Variants in FRMD4A observed in about 807,000 individuals in gnomAD.
The protein encoded by FRMD4A is FERM domain containing 4A.
In FRMD4A, 29 loss-of-function variants were observed where a neutral mutation model predicts 129.1. The observed-to-expected ratio is 0.22, with a 90% CI of 0.17 to 0.31. The LOEUF (loss-of-function observed/expected upper bound fraction) is 0.31. FRMD4A is among the 10% of genes least tolerant of loss of function. The pLI is 1.00. For missense variants in FRMD4A, 1,272 were observed against 1,375.8 expected, an observed-to-expected ratio of 0.92 and a Z score of 1.19; for synonymous variants, 634 against 571.6, an observed-to-expected ratio of 1.11 and a Z score of -1.56.
chr10:14,212,821 T>G (rs2400045), intron 2 of FRMD4A, among the ~76,000 whole-genome samples: 78,800 of 152,180 alleles, frequency 0.52, 22,102 homozygotes, highest in Non-Finnish European at 0.63. Flanking sequence ...GGTATATGTT[T>G]GCTGTATCTT....
At chr10:14,159,739 T>C (rs1840784897) in intron 2 of FRMD4A, among the ~76,000 whole-genome samples, 1 of 152,182 alleles carries the variant, frequency 6.6e-6, no homozygotes, top group Non-Finnish European at 1.5e-5. Context: ...AGGTATCACC[T>C]GATGGAACTT....
chr10:14,033,081 C>A (rs992196831), intron 2 of FRMD4A, among the ~76,000 whole-genome samples: 2 of 151,962 alleles, frequency 1.3e-5, no homozygotes, highest in Non-Finnish European at 2.9e-5. Context: ...CTGAGGTGGG[C>A]GGATCACCTG....
At chr10:14,069,659 G>A (rs1588905425) in intron 2 of FRMD4A, among the ~76,000 whole-genome samples, 1 of 151,970 alleles carries the variant, frequency 6.6e-6, no homozygotes, top group South Asian at 2.1e-4. Context: ...TTTTTCTGCT[G>A]GTTAATTTAC....
intron 3 of FRMD4A, among the ~76,000 whole-genome samples, chr10:13,851,815 G>A (rs557290840): frequency 9.9e-5 from 15 of 151,504 alleles, no homozygotes; most frequent in Admixed American, 2.0e-4. Context: ...CAGGAGAATC[G>A]CTTGAACTCA....
intron 2 of FRMD4A, among the ~76,000 whole-genome samples, chr10:14,292,703 C>T (rs563344175): frequency 1.0e-3 from 155 of 151,954 alleles, no homozygotes; most frequent in African/African-American, 2.9e-3. Context: ...AGGAGGCTGA[C>T]GCAGAAGAAT....
In FRMD4A at chr10:13,680,715, G is replaced by A. The variant is rs1477267723; in HGVS notation, c.1118-5671C>T. 2.0e-5 allele frequency among the ~76,000 whole-genome samples: 3 copies of A among 151,680 alleles called. No individual in the cohort carries two copies. In the East Asian group the frequency reaches 5.8e-4, roughly 29 times the overall value. ...CACTCCAGCCGGGGTGACAGAGCGA[G>A]ACTCCATTTAAAAAAAAAAATTTAA... is the stretch of plus-strand genomic sequence containing the variant. On this transcript the variant is annotated intron_variant, in intron 15 of 24. Coordinates refer to ENST00000357447, the MANE Select transcript of FRMD4A (RefSeq NM_018027.5).
chr10:13,917,342 G>A (rs1253382932), intron 2 of FRMD4A, among the ~76,000 whole-genome samples: 1 of 150,402 alleles, frequency 6.6e-6, no homozygotes, highest in East Asian at 1.9e-4. Context: ...GAGTACAGTG[G>A]CGCAATCTTG....
intron 5 of FRMD4A, among the ~76,000 whole-genome samples, chr10:13,793,775 G>C (rs1248243068): frequency 6.6e-6 from 1 of 152,190 alleles, no homozygotes; most frequent in Admixed American, 6.5e-5. Flanking sequence ...CTCCTTTGGA[G>C]AAAACTGCCT....
chr10:13,656,094 T>C (rs1294710767), intron 22 of FRMD4A, among the ~76,000 whole-genome samples: 1 of 152,178 alleles, frequency 6.6e-6, no homozygotes, highest in Non-Finnish European at 1.5e-5. Context: ...AACATCATCA[T>C]CGAAATGGGA....
chr10:13,948,810 C>A (rs2095351792), intron 2 of FRMD4A, among the ~76,000 whole-genome samples: 3 of 151,740 alleles, frequency 2.0e-5, no homozygotes, highest in Admixed American at 2.0e-4. Flanking sequence ...CACCATCATA[C>A]CCAGCTAATT....
chr10:14,077,949 T>C (rs1835706396), intron 2 of FRMD4A, among the ~76,000 whole-genome samples: 1 of 152,208 alleles, frequency 6.6e-6, no homozygotes, highest in Non-Finnish European at 1.5e-5. Context: ...GAGGATGGCA[T>C]AGGTGAGGAA....
At chr10:14,079,368 C>A (rs995881435) in intron 2 of FRMD4A, among the ~76,000 whole-genome samples, 1 of 152,178 alleles carries the variant, frequency 6.6e-6, no homozygotes, top group African/African-American at 2.4e-5. Context: ...CTCCTGGTGT[C>A]CTGGGCACTC....
intron 3 of FRMD4A, among the ~76,000 whole-genome samples, chr10:13,856,816 T>C (rs1479866565): frequency 6.6e-6 from 1 of 152,212 alleles, no homozygotes; most frequent in Non-Finnish European, 1.5e-5. Flanking sequence ...GAAAGCAGGC[T>C]GGCCAAGAGA....
intron 8 of FRMD4A, among the ~76,000 whole-genome samples, chr10:13,750,124 G>T (rs370350331): frequency 4.1e-4 from 56 of 135,884 alleles, no homozygotes; most frequent in African/African-American, 1.3e-3. Context: ...AAGAAAGAAA[G>T]AAAGAAAGAA....
intron 2 of FRMD4A, among the ~76,000 whole-genome samples, chr10:14,079,800 G>A (rs1295189649): frequency 6.6e-6 from 1 of 152,212 alleles, no homozygotes; most frequent in Non-Finnish European, 1.5e-5. Context: ...TGATTATGCT[G>A]AGGAATTAGA....
intron 2 of FRMD4A, among the ~76,000 whole-genome samples, chr10:14,217,781 G>A (rs1448431900): frequency 6.6e-6 from 1 of 151,708 alleles, no homozygotes; most frequent in Non-Finnish European, 1.5e-5. Context: ...TGCTGTGTAG[G>A]CTGGCAGGGT....
intron 2 of FRMD4A, among the ~76,000 whole-genome samples, chr10:14,141,016 CA>C (rs1368634778): frequency 6.6e-6 from 1 of 152,032 alleles, no homozygotes; most frequent in Non-Finnish European, 1.5e-5. Context: ...CTAGGGACAC[CA>C]CCCAGGGAGC....
chr10:13,972,194 C>T, intron 2 of FRMD4A: 1 of 1,019,192 alleles, frequency 9.8e-7, no homozygotes, highest in African/African-American at 1.7e-5. Flanking sequence ...CCAGAAGCAC[C>T]ACCGAGTGTT....
At chr10:13,851,673 G>C (rs34945695) in intron 3 of FRMD4A, among the ~76,000 whole-genome samples, 1 of 151,742 alleles carries the variant, frequency 6.6e-6, no homozygotes, top group East Asian at 1.9e-4. Flanking sequence ...AGGCCGAGGC[G>C]GGTGGATCAT....
Sources: gnomAD v4.1 joint callset for allele counts (sites outside exome capture counted in the v4.1 genomes callset) on GRCh38, gnomAD v4.1.1 for gene constraint, MANE v1.5 for transcripts, NCBI Gene and HGNC (gene_info 2026-07-23, HGNC 2026-07-21) for gene names.